ARHGAP15: variants seen among roughly 807,000 people sequenced by gnomAD.
ARHGAP15 encodes Rho GTPase activating protein 15, also known as rho GTPase-activating protein 15.
ARHGAP15 carries 51 observed loss-of-function variants against 63.7 expected under a neutral mutation model. The ratio of observed to expected loss-of-function variants is 0.80; its 90% CI spans 0.64 to 1.01. The LOEUF (loss-of-function observed/expected upper bound fraction) is 1.01. ARHGAP15 is among the 50% of genes least tolerant of loss of function. ARHGAP15 has a pLI of 0.00. For synonymous variants in ARHGAP15, 191 were observed against 193.8 expected (o/e 0.99, Z 0.12); for missense variants, 560 against 564.6 (o/e 0.99, Z 0.08).
At chr2:143,504,028 TA>T (rs1297410571) in intron 9 of ARHGAP15, among the ~76,000 whole-genome samples, 1 of 152,200 alleles carries the variant, frequency 6.6e-6, no homozygotes, top group Non-Finnish European at 1.5e-5. Context: ...TTAATGCTTT[TA>T]TCATTTTATG....
rs557664549 is a variant in ARHGAP15, at chr2:143,541,123, T to C, written c.926-15285T>C. ...ACTTGTCTTCATGCTTCATTTCATTTATTTCATCTTCCATCGCTGATACCC... is the reference window on the plus strand; with the variant it reads ...ACTTGTCTTCATGCTTCATTTCATTCATTTCATCTTCCATCGCTGATACCC... On this transcript the variant is annotated intron_variant, in intron 10 of 13. Coordinates refer to ENST00000295095, the MANE Select transcript of ARHGAP15 (RefSeq NM_018460.4). Among the ~76,000 whole-genome samples the C allele has an allele frequency of 1.1e-3, 168 of 152,286 alleles. 1 individual carries two copies. The highest frequency in any genetic ancestry group is 3.9e-3 in the African/African-American group (162 of 41,570).
At chr2:143,472,977 A>G (rs6735455) in intron 8 of ARHGAP15, among the ~76,000 whole-genome samples, 13,807 of 152,120 alleles carry the variant, frequency 0.091, 746 homozygotes, top group African/African-American at 0.15. Flanking sequence ...ATTATTAAAC[A>G]TTTTTATTGA....
At chr2:143,390,731 GCACACACACACACACACACACA>G (rs3071055) in intron 6 of ARHGAP15, among the ~76,000 whole-genome samples, 2 of 147,474 alleles carry the variant, frequency 1.4e-5, no homozygotes, top group Non-Finnish European at 3.0e-5. Context: ...GAAAACACAT[GCACACACACACACACACACACA>G]CACACACACA....
At chr2:143,413,971 G>GCGCGCGTGCGCGCGCA (rs147891307) in intron 6 of ARHGAP15, among the ~76,000 whole-genome samples, 4 of 147,640 alleles carry the variant, frequency 2.7e-5, no homozygotes, top group East Asian at 2.0e-4. Context: ...GTGTGTGCGC[G>GCGCGCGTGCGCGCGCA]CTCTCTGGCA....
At chr2:143,165,972 A>T (rs1033421902) in intron 2 of ARHGAP15, among the ~76,000 whole-genome samples, 1 of 133,314 alleles carries the variant, frequency 7.5e-6, no homozygotes, top group Non-Finnish European at 1.6e-5. Context: ...GAAAGAAAGA[A>T]AGAAAGAAAG....
At chr2:143,138,737 T>C (rs1558768786) in intron 1 of ARHGAP15, among the ~76,000 whole-genome samples, 1 of 152,100 alleles carries the variant, frequency 6.6e-6, no homozygotes, top group Non-Finnish European at 1.5e-5. Flanking sequence ...CAAGTGACTA[T>C]TGAGCACTTG....
intron 6 of ARHGAP15, among the ~76,000 whole-genome samples, chr2:143,381,698 T>A (rs547889199): frequency 1.3e-5 from 2 of 152,134 alleles, no homozygotes; most frequent in African/African-American, 4.8e-5. Flanking sequence ...ACTATGACCA[T>A]CCTCTTGTGT....
chr2:143,659,768 A>G (rs998805937), intron 12 of ARHGAP15, among the ~76,000 whole-genome samples: 2 of 152,156 alleles, frequency 1.3e-5, no homozygotes, highest in Non-Finnish European at 2.9e-5. Context: ...TCTATTTATC[A>G]GCTTTCATTA....
chr2:143,562,351 G>C (rs1409199271), intron 11 of ARHGAP15, among the ~76,000 whole-genome samples: 3 of 152,088 alleles, frequency 2.0e-5, no homozygotes, highest in African/African-American at 7.2e-5. Context: ...ATCTGAAAAA[G>C]GATTTCAAAT....
intron 10 of ARHGAP15, among the ~76,000 whole-genome samples, chr2:143,540,474 T>C (rs1559038240): frequency 6.8e-6 from 1 of 146,254 alleles, no homozygotes; most frequent in Non-Finnish European, 1.5e-5. Flanking sequence ...CTAGCCTTGA[T>C]GGTCTTTACA....
At chr2:143,183,613 G>A (rs199753357) in intron 2 of ARHGAP15, among the ~76,000 whole-genome samples, 11 of 152,104 alleles carry the variant, frequency 7.2e-5, no homozygotes, top group East Asian at 3.9e-4. Flanking sequence ...TAGAACAGCC[G>A]AAAGGGTCCC....
chr2:143,332,333 A>G (rs1312458200), intron 6 of ARHGAP15, among the ~76,000 whole-genome samples: 1 of 152,180 alleles, frequency 6.6e-6, no homozygotes, highest in Non-Finnish European at 1.5e-5. Flanking sequence ...CGATGGTGAG[A>G]TATAACTGCC....
chr2:143,323,793 T>C (rs1463123574), intron 6 of ARHGAP15, among the ~76,000 whole-genome samples: 1 of 144,496 alleles, frequency 6.9e-6, no homozygotes, highest in Non-Finnish European at 1.5e-5. Context: ...CTCGGGAGGC[T>C]GAGGCCAGAG....
chr2:143,546,151 C>T (rs571444951), intron 10 of ARHGAP15, among the ~76,000 whole-genome samples: 1 of 152,104 alleles, frequency 6.6e-6, no homozygotes, highest in South Asian at 2.1e-4. Flanking sequence ...GTTTGGGAAT[C>T]CATTTTCCCA....
At chr2:143,210,840 T>G (rs933512115) in intron 3 of ARHGAP15, among the ~76,000 whole-genome samples, 2 of 152,142 alleles carry the variant, frequency 1.3e-5, no homozygotes, top group African/African-American at 4.8e-5. Context: ...TTTCTTCTAC[T>G]CTTCTTCACA....
intron 10 of ARHGAP15, among the ~76,000 whole-genome samples, chr2:143,528,112 A>C (rs10928184): frequency 0.27 from 40,821 of 151,944 alleles, 5,838 homozygotes; most frequent in African/African-American, 0.37. Context: ...AACTACTAAA[A>C]TATCCATTCT....
In ARHGAP15 at chr2:143,556,393, C is replaced by T. The variant is rs1297693261; in HGVS notation, c.926-15C>T. The T allele has an allele frequency of 7.6e-6, 12 of 1,581,244 alleles. No homozygotes were observed. Among genetic ancestry groups the T allele is most frequent in the East Asian group, 2.3e-5 (1 of 43,582 alleles). ...CCTATATGTGCTAATATAAAATATG[C>T]CCTTTTGTCTTCAGGTCTAGATGTT... On this transcript the variant is annotated splice_polypyrimidine_tract_variant and intron_variant, in intron 10 of 13. Transcript: ENST00000295095.
At chr2:143,367,171 G>A (rs895966947) in intron 6 of ARHGAP15, among the ~76,000 whole-genome samples, 3 of 152,018 alleles carry the variant, frequency 2.0e-5, no homozygotes, top group African/African-American at 4.8e-5. Context: ...TTTGGGTAAT[G>A]TATGTCTGTG....
chr2:143,228,483 G>T, intron 4 of ARHGAP15, 98 bp from the exon 5 acceptor site: 1 of 624,484 alleles, frequency 1.6e-6, no homozygotes. Context: ...TAAAAATAAA[G>T]ATGGTCTCTA....
Sources: gnomAD v4.1 joint callset for allele counts (sites outside exome capture counted in the v4.1 genomes callset) on GRCh38, gnomAD v4.1.1 for gene constraint, MANE v1.5 for transcripts, NCBI Gene and HGNC (gene_info 2026-07-23, HGNC 2026-07-21) for gene names.